Variants in IFNAR1 observed in about 807,000 individuals in gnomAD.
The protein encoded by IFNAR1 is interferon alpha and beta receptor subunit 1, also known as interferon alpha/beta receptor 1.
IFNAR1 carries 47 observed loss-of-function variants against 62.1 expected under a neutral mutation model. The ratio of observed to expected loss-of-function variants is 0.76; its 90% CI spans 0.60 to 0.97. IFNAR1 has a LOEUF of 0.97. Ranked by LOEUF, IFNAR1 falls within the 50% of genes least tolerant of loss-of-function variation. IFNAR1 has a pLI of 0.00. For synonymous variants in IFNAR1, 219 were observed against 226.9 expected (o/e 0.97, Z 0.31); for missense variants, 638 against 654.5 (o/e 0.97, Z 0.27).
At chr21:33,351,434 C>T (rs1601864511) in intron 8 of IFNAR1, among the ~76,000 whole-genome samples, 1 of 152,234 alleles carries the variant, frequency 6.6e-6, no homozygotes, top group Non-Finnish European at 1.5e-5. Flanking sequence ...GCACAGCCTC[C>T]GTGGGAGCTG....
At chr21:33,353,575 G>T in intron 9 of IFNAR1, 63 bp from the exon 10 acceptor site, 2 of 883,702 alleles carry the variant, frequency 2.3e-6, no homozygotes, top group African/African-American at 3.5e-5. Flanking sequence ...TCACACAGCT[G>T]TCAGCACTGT....
chr21:33,340,284 A>G (rs937364565), intron 2 of IFNAR1, among the ~76,000 whole-genome samples: 1 of 152,102 alleles, frequency 6.6e-6, no homozygotes, highest in African/African-American at 2.4e-5. Flanking sequence ...GGTCTTTCTT[A>G]GGGAAGGTAA....
chr21:33,355,438 T>C lies in IFNAR1; in HGVS notation c.1563T>C (p.Asp521=), dbSNP rs1568934300. 3 of 1,598,546 alleles carry C rather than the reference T, an allele frequency of 1.9e-6. No homozygotes were observed. The highest frequency in any genetic ancestry group is 2.2e-5 in the South Asian group (2 of 89,340). Reference sequence around the variant, plus strand: ...CAGTAGAAGAAACTAATCAAACTGATGAAGATCATAAAAAATACAGTTCCC... The same window carrying C: ...CAGTAGAAGAAACTAATCAAACTGACGAAGATCATAAAAAATACAGTTCCC... ...IATVEETNQT[D]EDHKKYSSQT... is the part of the protein sequence containing the mutation. The change falls in exon 11 of 11, where the codon GAT becomes GAC. Residue 521 remains aspartate, a synonymous_variant. Coordinates refer to ENST00000270139, the MANE Select transcript of IFNAR1 (RefSeq NM_000629.3).
At chr21:33,330,051 G>A (rs2083160915) in intron 1 of IFNAR1, among the ~76,000 whole-genome samples, 4 of 152,094 alleles carry the variant, frequency 2.6e-5, no homozygotes, top group Admixed American at 6.5e-5. Context: ...AGTTAATTTT[G>A]GTCTATTTGA....
chr21:33,326,493 G>A (rs1315986632), intron 1 of IFNAR1, among the ~76,000 whole-genome samples: 2 of 152,092 alleles, frequency 1.3e-5, no homozygotes, highest in African/African-American at 4.8e-5. Context: ...GAGCCACCAC[G>A]CCCGATCTAT....
chr21:33,337,748 A>C (rs1050177198), intron 2 of IFNAR1, among the ~76,000 whole-genome samples: 2 of 152,126 alleles, frequency 1.3e-5, no homozygotes, highest in South Asian at 4.2e-4. Context: ...GTATACATAC[A>C]TATACACACT....
At chr21:33,334,341 CAG>C (rs2083212308) in intron 1 of IFNAR1, among the ~76,000 whole-genome samples, 1 of 152,174 alleles carries the variant, frequency 6.6e-6, no homozygotes, top group African/African-American at 2.4e-5. Flanking sequence ...AAGCCAAAGA[CAG>C]AGAAGTGACT....
At chr21:33,337,751 T>G (rs992922021) in intron 2 of IFNAR1, among the ~76,000 whole-genome samples, 1 of 152,016 alleles carries the variant, frequency 6.6e-6, no homozygotes, top group African/African-American at 2.4e-5. Context: ...TACATACATA[T>G]ACACACTATA....
At chr21:33,346,865 T>C (rs1341854885) in intron 6 of IFNAR1, among the ~76,000 whole-genome samples, 1 of 152,162 alleles carries the variant, frequency 6.6e-6, no homozygotes, top group African/African-American at 2.4e-5. Flanking sequence ...AGTAGACAAC[T>C]ATTAGATGTT....
chr21:33,355,224 T>C (rs746646758), intron 10 of IFNAR1, 92 bp from the exon 11 acceptor site: 1 of 660,464 alleles, frequency 1.5e-6, no homozygotes, highest in Non-Finnish European at 2.5e-6. Flanking sequence ...TTCTCAGTAA[T>C]GGATGTAAGA....
Position 33,355,315 on chromosome 21 carries a change from G to C in IFNAR1, c.1441-1G>C, listed in dbSNP as rs748488970. On this transcript the variant is annotated splice_acceptor_variant, in intron 10 of 10. Coordinates refer to ENST00000270139, the MANE Select transcript of IFNAR1 (RefSeq NM_000629.3). LOFTEE classifies it high-confidence loss of function. ...CTACTCTTTCCCTTTTTTTAAATTA[G>C]TATTTCTCTGAACAGCCATTGAAGA... 7.8e-6 allele frequency: 11 copies of C among 1,402,620 alleles called. No individual in the cohort carries two copies. The highest frequency in any genetic ancestry group is 1.9e-6 in the Non-Finnish European group (2 of 1,026,170). The allele number at this position is 1,402,620 out of a possible 1,614,324, so 86.9% of individuals were successfully genotyped here.
At chr21:33,326,216 T>C (rs1031899481) in intron 1 of IFNAR1, among the ~76,000 whole-genome samples, 1 of 56,178 alleles carries the variant, frequency 1.8e-5, no homozygotes, top group Non-Finnish European at 4.2e-5. Context: ...TTTATACTTT[T>C]TTTTTTTTTT....
rs891993841 is a variant in IFNAR1 at position 33,359,321 on chromosome 21, G to T, written c.*3772G>T. On this transcript the variant is annotated 3_prime_UTR_variant, in exon 11 of 11. Transcript: ENST00000270139. Reference sequence around the variant, plus strand: ...GGCCCAAAAGTCTAGGAGTTTTTTTGTACTTAGTGAATTTGTATGCAACAG... The same window carrying T: ...GGCCCAAAAGTCTAGGAGTTTTTTTTTACTTAGTGAATTTGTATGCAACAG... 6.6e-6 allele frequency: 1 copy of T among 152,032 alleles called. No individual in the cohort carries two copies. The allele number at this position is 152,032 out of a possible 1,614,324, so 9.4% of individuals were successfully genotyped here. A position where few individuals can be genotyped will look rare whatever the true frequency, so the allele number is the denominator to read the frequency against.
rs747690835 is a variant in IFNAR1, at chr21:33,343,398, C to G, written c.507C>G (p.Ile169Met). 4.2e-5 allele frequency: 68 copies of G among 1,612,308 alleles called. No individual in the cohort carries two copies. The South Asian group carries it at 6.7e-4, about 16-fold the overall frequency. Residue 169 changes from isoleucine to methionine, a missense_variant, in exon 4 of 11, where the codon ATC becomes ATG. Ile to Met is a conservative substitution (Grantham distance 10, BLOSUM62 1). Transcript: ENST00000270139. ...TAAGCTTTACATATAGCTTAGTTAT[C>G]TGGAAAAACTCTTCAGGTGTAGAAG... ...DGLSFTYSLV[I>M]WKNSSGVEER... is the part of the protein sequence containing the mutation.
chr21:33,354,879 T>G (rs2083432714), intron 10 of IFNAR1, among the ~76,000 whole-genome samples: 1 of 152,216 alleles, frequency 6.6e-6, no homozygotes, highest in South Asian at 2.1e-4. Context: ...TACTGTAATA[T>G]TCATAGCTAT....
chr21:33,336,399 T>C (rs2083235356), intron 2 of IFNAR1, among the ~76,000 whole-genome samples: 1 of 144,706 alleles, frequency 6.9e-6, no homozygotes. Flanking sequence ...TGCATGTGTC[T>C]TTATAGCAGC....
intron 5 of IFNAR1, among the ~76,000 whole-genome samples, chr21:33,344,501 C>T (rs1458617954): frequency 6.8e-6 from 1 of 148,068 alleles, no homozygotes; most frequent in Admixed American, 6.7e-5. Context: ...CCTTCTTATC[C>T]CCAATTCCAT....
rs1220882370 is a variant in IFNAR1, at chr21:33,353,707, A to T, written c.1364A>T (p.Tyr455Phe). ...IALFALPFVI[Y>F]AAKVFLRCIN... ...TTATTTGCTCTCCCGTTTGTCATTT[A>T]TGCTGCGAAAGTCTTCTTGAGATGC... is the stretch of plus-strand genomic sequence containing the variant. The change falls in exon 10 of 11, where the codon TAT becomes TTT. Residue 455 changes from tyrosine to phenylalanine, a missense_variant. Physicochemically the swap from Tyr to Phe is conservative, Grantham distance 22. Coordinates refer to ENST00000270139, the MANE Select transcript of IFNAR1 (RefSeq NM_000629.3). 2 of 1,590,714 alleles carry T rather than the reference A, an allele frequency of 1.3e-6. No individual in the cohort carries two copies. The highest frequency in any genetic ancestry group is 1.7e-6 in the Non-Finnish European group (2 of 1,170,624).
chr21:33,332,129 C>A (rs1410379396), intron 1 of IFNAR1, among the ~76,000 whole-genome samples: 1 of 152,196 alleles, frequency 6.6e-6, no homozygotes, highest in Non-Finnish European at 1.5e-5. Flanking sequence ...AGACCTGACA[C>A]CAAGAGGTGT....
Sources: gnomAD v4.1 joint callset for allele counts (sites outside exome capture counted in the v4.1 genomes callset) on GRCh38, gnomAD v4.1.1 for gene constraint, MANE v1.5 for transcripts, NCBI Gene and HGNC (gene_info 2026-07-23, HGNC 2026-07-21) for gene names.